Variants in JPH3 observed in about 807,000 individuals in gnomAD.
The protein encoded by JPH3 is junctophilin 3.
JPH3 carries 11 observed loss-of-function variants against 59.6 expected under a neutral mutation model. The ratio of observed to expected loss-of-function variants is 0.18; its 90% CI spans 0.12 to 0.31. JPH3 has a LOEUF of 0.31. Ranked by LOEUF, JPH3 falls within the 10% of genes least tolerant of loss-of-function variation. The pLI is 1.00. For synonymous variants in JPH3, 673 were observed against 483.6 expected, an observed-to-expected ratio of 1.39 and a Z score of -5.14; for missense variants, 1,202 against 1,105.7, an observed-to-expected ratio of 1.09 and a Z score of -1.24.
At chr16:87,620,495 G>T (rs1008553251) in intron 1 of JPH3, among the ~76,000 whole-genome samples, 2 of 136,586 alleles carry the variant, frequency 1.5e-5, no homozygotes, top group African/African-American at 5.4e-5. Flanking sequence ...GGGAGAGGGG[G>T]AGGGGAAGAA....
In JPH3 at chr16:87,651,543, G is replaced by A. The variant is rs532291586; in HGVS notation, c.1160+6508G>A. On this transcript the variant is annotated intron_variant, in intron 2 of 4. Transcript: ENST00000284262. ...CATCCACATTAACAAGAATTTAGAAGAAGTTGATTCCAGCCCTCATGGACG... is the reference window on the plus strand; with the variant it reads ...CATCCACATTAACAAGAATTTAGAAAAAGTTGATTCCAGCCCTCATGGACG... Among the ~76,000 whole-genome samples the A allele has an allele frequency of 7.2e-5, 11 of 152,344 alleles. No individual in the cohort carries two copies. The South Asian group carries it at 2.3e-3, about 32-fold the overall frequency.
rs114523615 is a variant in JPH3, at chr16:87,643,161, C to G, written c.383-1097C>G. ...CCGATATGTGGCCTTTTGTGCCCAG[C>G]TCAGTTCACTCTGTGTAATGTCTTC... On this transcript the variant is annotated intron_variant, in intron 1 of 4. Transcript: ENST00000284262. Among the ~76,000 whole-genome samples the G allele has an allele frequency of 5.1e-3, 774 of 152,326 alleles. 10 individuals carry two copies. Among genetic ancestry groups the G allele is most frequent in the African/African-American group, 0.017 (726 of 41,588 alleles).
chr16:87,675,206 G>A (rs1222434592), intron 2 of JPH3, among the ~76,000 whole-genome samples: 3 of 29,492 alleles, frequency 1.0e-4, no homozygotes, highest in Admixed American at 1.1e-3. Context: ...CCGTTTCCCC[G>A]ACTCGCTGAC....
chr16:87,650,056 G>C (rs923985143), intron 2 of JPH3, among the ~76,000 whole-genome samples: 1 of 152,214 alleles, frequency 6.6e-6, no homozygotes, highest in Non-Finnish European at 1.5e-5. Flanking sequence ...TTGATTCAGG[G>C]GGTTTCGCTT....
At chr16:87,638,622 C>T (rs895779021) in intron 1 of JPH3, among the ~76,000 whole-genome samples, 1 of 151,356 alleles carries the variant, frequency 6.6e-6, no homozygotes. Flanking sequence ...CATGGCAGGG[C>T]TTGGGGAGTG....
chr16:87,605,028 A>C, intron 1 of JPH3: 1 of 436,638 alleles, frequency 2.3e-6, no homozygotes, highest in Non-Finnish European at 4.6e-6. Context: ...CCCGGGCAGC[A>C]GATGTGGGTG....
intron 1 of JPH3, among the ~76,000 whole-genome samples, chr16:87,641,291 C>T (rs935921029): frequency 2.6e-5 from 4 of 152,128 alleles, no homozygotes; most frequent in East Asian, 1.9e-4. Flanking sequence ...AGGGCAGGAG[C>T]CCCATCACTG....
chr16:87,602,372 C>A (rs1342251161), upstream of JPH3, among the ~76,000 whole-genome samples: 10 of 128,238 alleles, frequency 7.8e-5, no homozygotes, highest in African/African-American at 2.8e-4. Flanking sequence ...GCGCCGCGCC[C>A]TAGCCTGCTG....
intron 1 of JPH3, among the ~76,000 whole-genome samples, chr16:87,618,982 G>A (rs1030796465): frequency 9.9e-5 from 15 of 151,884 alleles, no homozygotes; most frequent in Admixed American, 3.3e-4. Context: ...CCAGCTACTC[G>A]GAAGCTGAGG....
intron 2 of JPH3, among the ~76,000 whole-genome samples, chr16:87,648,467 G>A (rs951136821): frequency 9.9e-5 from 15 of 152,256 alleles, no homozygotes; most frequent in South Asian, 8.3e-4. Flanking sequence ...GTCCTCACCC[G>A]CCCCGGCCGG....
At chr16:87,647,873 G>A (rs544754685) in intron 2 of JPH3, among the ~76,000 whole-genome samples, 1 of 152,342 alleles carries the variant, frequency 6.6e-6, no homozygotes, top group Non-Finnish European at 1.5e-5. Context: ...CTAGGAACTG[G>A]CGTCTCACCC....
intron 3 of JPH3, among the ~76,000 whole-genome samples, chr16:87,684,931 C>G (rs556695924): frequency 6.6e-6 from 1 of 152,216 alleles, no homozygotes; most frequent in Non-Finnish European, 1.5e-5. Flanking sequence ...CATCTCCTAC[C>G]TCATCTTGGA....
At chr16:87,625,196 C>T (rs984891418) in intron 1 of JPH3, among the ~76,000 whole-genome samples, 4 of 152,250 alleles carry the variant, frequency 2.6e-5, no homozygotes, top group Non-Finnish European at 4.4e-5. Flanking sequence ...GCTGAGAAGT[C>T]TTTTCCAGGG....
rs190914431 is a variant in JPH3 at position 87,682,902 on chromosome 16, G to T, written c.1161-1240G>T. The stretch of plus-strand genomic sequence containing the variant: ...GCCCCAGGCTGCTGAGATGCACAGA[G>T]CCCCACATTCTGCCTTCGGGACGTC... On this transcript the variant is annotated intron_variant, in intron 2 of 4. Coordinates refer to ENST00000284262, the MANE Select transcript of JPH3 (RefSeq NM_020655.4). 3.8e-3 allele frequency among the ~76,000 whole-genome samples: 580 copies of T among 152,358 alleles called. 4 individuals are homozygous for T. Among genetic ancestry groups the T allele is most frequent in the African/African-American group, 0.013 (544 of 41,592 alleles).
At chr16:87,620,856 A>G (rs1158171063) in intron 1 of JPH3, among the ~76,000 whole-genome samples, 6 of 152,308 alleles carry the variant, frequency 3.9e-5, no homozygotes, top group East Asian at 1.9e-4. Context: ...TGTTAGGAGC[A>G]TTCGAAAGAA....
chr16:87,680,357 C>T (rs1028256837), intron 2 of JPH3, among the ~76,000 whole-genome samples: 4 of 152,234 alleles, frequency 2.6e-5, no homozygotes, highest in Non-Finnish European at 4.4e-5. Context: ...AGGGGCTGCG[C>T]CCGGAAGGAA....
At position 87,684,130 on chromosome 16, in the gene JPH3, T is replaced by C. The variant is rs1224882128; in HGVS notation, c.1161-12T>C. On this transcript the variant is annotated splice_polypyrimidine_tract_variant and intron_variant, in intron 2 of 4. Coordinates refer to ENST00000284262, the MANE Select transcript of JPH3 (RefSeq NM_020655.4). ...CCCTGCCCCCCCTCACGCTCCTCCC[T>C]GTCTCCCCCAGGACCTCCCACTCTC... 6.2e-7 allele frequency: 1 copy of C among 1,611,436 alleles called. No homozygotes were observed. The highest frequency in any genetic ancestry group is 8.5e-7 in the Non-Finnish European group (1 of 1,178,470).
In JPH3 at chr16:87,603,384, A is replaced by T; in HGVS notation, c.238A>T (p.Lys80Ter). The change falls in exon 1 of 5, where the codon AAG (lysine) becomes TAG (stop). Residue 80 changes from lysine to a stop codon, truncating the protein, a stop_gained. Coordinates refer to ENST00000284262, the MANE Select transcript of JPH3 (RefSeq NM_020655.4). LOFTEE classifies it high-confidence loss of function. ...RHGIGLESKGKWVYKGEWTHG... is the reference protein window; with the variant it reads ...RHGIGLESKG ...CGGCATCGGCCTGGAGAGCAAGGGG[A>T]AGTGGGTGTACAAGGGCGAGTGGAC... 1 of 1,605,708 alleles carries T rather than the reference A, an allele frequency of 6.2e-7. No individual in the cohort carries two copies. The highest frequency in any genetic ancestry group is 1.3e-5 in the African/African-American group (1 of 74,694).
At chr16:87,688,366 C>T (rs1210446542) in intron 3 of JPH3, among the ~76,000 whole-genome samples, 1 of 152,226 alleles carries the variant, frequency 6.6e-6, no homozygotes, top group East Asian at 1.9e-4. Context: ...GGCGTCGCAG[C>T]GTGCCCCGAA....
Sources: gnomAD v4.1 joint callset for allele counts (sites outside exome capture counted in the v4.1 genomes callset) on GRCh38, gnomAD v4.1.1 for gene constraint, MANE v1.5 for transcripts, NCBI Gene and HGNC (gene_info 2026-07-23, HGNC 2026-07-21) for gene names.